The following DOCK3 variants were observed in gnomAD, a reference collection of about 807,000 sequenced individuals.
The protein encoded by DOCK3 is dedicator of cytokinesis 3, also known as dedicator of cytokinesis protein 3.
A neutral mutation model predicts 265.6 loss-of-function variants in DOCK3; 60 were observed. The ratio of observed to expected loss-of-function variants is 0.23; its 90% CI spans 0.18 to 0.28. The LOEUF (loss-of-function observed/expected upper bound fraction) is 0.28, where lower values mean the gene tolerates loss of function less well. Among genes scored for constraint, DOCK3 ranks in the 10% least tolerant of loss-of-function variants. The pLI is 1.00. For missense variants in DOCK3, 1,981 were observed against 2,594.3 expected (o/e 0.76, Z 5.14); for synonymous variants, 881 against 938.0 (o/e 0.94, Z 1.11).
chr3:50,974,995 C>T (rs1489505972), intron 5 of DOCK3, among the ~76,000 whole-genome samples: 2 of 149,642 alleles, frequency 1.3e-5, no homozygotes, highest in African/African-American at 4.9e-5. Context: ...GATTTTGTAT[C>T]CTGAGACTTT....
intron 5 of DOCK3, among the ~76,000 whole-genome samples, chr3:50,980,986 A>G (rs2077669483): frequency 6.6e-6 from 1 of 151,898 alleles, no homozygotes; most frequent in East Asian, 1.9e-4. Flanking sequence ...ATTTGTTTCC[A>G]TCCACTAATT....
chr3:50,736,337 T>A lies in DOCK3; in HGVS notation c.38-42338T>A, dbSNP rs571460809. Among the ~76,000 whole-genome samples, 14 of 152,346 alleles carry A rather than the reference T, an allele frequency of 9.2e-5. No homozygotes were observed. The South Asian group carries it at 1.7e-3, about 18-fold the overall frequency. On this transcript the variant is annotated intron_variant, in intron 1 of 52. Coordinates refer to ENST00000266037, the MANE Select transcript of DOCK3 (RefSeq NM_004947.5). ...TGGGTTGGTTCCAAGTCTTTGCTGTTGTGAATAGTGCCACAATAAACATAT... is the reference window on the plus strand; with the variant it reads ...TGGGTTGGTTCCAAGTCTTTGCTGTAGTGAATAGTGCCACAATAAACATAT...
At chr3:51,064,900 C>T (rs182139673) in intron 6 of DOCK3, among the ~76,000 whole-genome samples, 1 of 152,094 alleles carries the variant, frequency 6.6e-6, no homozygotes, top group African/African-American at 2.4e-5. Context: ...GATTCTACAC[C>T]TCCTAATCAG....
intron 5 of DOCK3, among the ~76,000 whole-genome samples, chr3:51,010,828 C>G (rs1041222790): frequency 6.6e-6 from 1 of 152,172 alleles, no homozygotes; most frequent in Non-Finnish European, 1.5e-5. Context: ...GTGACAAAAT[C>G]TCTCAGCATT....
chr3:51,344,448 C>T (rs1046440410), intron 38 of DOCK3, among the ~76,000 whole-genome samples: 3 of 152,140 alleles, frequency 2.0e-5, no homozygotes, highest in Admixed American at 1.3e-4. Flanking sequence ...GGTGAAACCT[C>T]GTCTCTACTG....
At chr3:50,717,490 TAC>T (rs1366889849) in intron 1 of DOCK3, among the ~76,000 whole-genome samples, 2 of 152,240 alleles carry the variant, frequency 1.3e-5, no homozygotes, top group Non-Finnish European at 2.9e-5. Context: ...TGTGTATATA[TAC>T]CTTACTCTTA....
intron 32 of DOCK3, among the ~76,000 whole-genome samples, chr3:51,316,849 T>C (rs2083395389): frequency 1.3e-5 from 2 of 152,222 alleles, no homozygotes; most frequent in South Asian, 2.1e-4. Context: ...ATATATTCTG[T>C]ATGTAAGTCC....
intron 32 of DOCK3, among the ~76,000 whole-genome samples, chr3:51,324,474 A>G (rs1192057857): frequency 1.3e-5 from 2 of 152,258 alleles, no homozygotes; most frequent in African/African-American, 4.8e-5. Context: ...AAGAATGAAT[A>G]TCATGGCCAT....
At chr3:51,092,362 T>A (rs772340431) in intron 9 of DOCK3, among the ~76,000 whole-genome samples, 4 of 151,968 alleles carry the variant, frequency 2.6e-5, no homozygotes, top group Non-Finnish European at 4.4e-5. Context: ...GAGGCTTGAG[T>A]AGGTGGTTTT....
chr3:50,834,162 A>G (rs551156391), intron 2 of DOCK3, among the ~76,000 whole-genome samples: 2 of 152,040 alleles, frequency 1.3e-5, no homozygotes, highest in Admixed American at 1.3e-4. Flanking sequence ...ACAGTCTCCA[A>G]ACTTACCAGA....
chr3:51,211,194 G>A (rs1189542302), intron 13 of DOCK3, among the ~76,000 whole-genome samples: 1 of 152,018 alleles, frequency 6.6e-6, no homozygotes, highest in Non-Finnish European at 1.5e-5. Context: ...GAGTCAAGTT[G>A]GTACCCTGCA....
chr3:50,937,679 A>G (rs1476817774), intron 5 of DOCK3, among the ~76,000 whole-genome samples: 1 of 152,198 alleles, frequency 6.6e-6, no homozygotes, highest in Non-Finnish European at 1.5e-5. Flanking sequence ...AGCAGCAATG[A>G]AAAATTAATA....
chr3:50,884,132 T>C (rs1214858356), intron 3 of DOCK3, among the ~76,000 whole-genome samples: 4 of 151,880 alleles, frequency 2.6e-5, no homozygotes, highest in African/African-American at 7.3e-5. Context: ...TCTCGCTCTT[T>C]CAGGCTGGAG....
At chr3:50,937,684 T>C (rs1242652456) in intron 5 of DOCK3, among the ~76,000 whole-genome samples, 1 of 151,984 alleles carries the variant, frequency 6.6e-6, no homozygotes, top group Non-Finnish European at 1.5e-5. Flanking sequence ...CAATGAAAAA[T>C]TAATACTGGT....
intron 1 of DOCK3, among the ~76,000 whole-genome samples, chr3:50,741,230 A>G (rs1019602785): frequency 5.9e-5 from 9 of 151,560 alleles, no homozygotes; most frequent in Admixed American, 1.3e-4. Context: ...TGAATAATCT[A>G]TGAACATTGA....
chr3:51,113,581 A>G (rs1051048240), intron 9 of DOCK3, among the ~76,000 whole-genome samples: 4 of 152,190 alleles, frequency 2.6e-5, no homozygotes, highest in African/African-American at 9.6e-5. Context: ...TATAAATCAG[A>G]CAGACTTCCA....
At chr3:51,259,783 A>G (rs990042627) in intron 22 of DOCK3, among the ~76,000 whole-genome samples, 6 of 152,282 alleles carry the variant, frequency 3.9e-5, no homozygotes, top group African/African-American at 1.4e-4. Flanking sequence ...TCTTTCTTAC[A>G]TCCTTGCCTT....
chr3:50,855,028 T>C (rs1475035914), intron 3 of DOCK3, among the ~76,000 whole-genome samples: 5 of 152,190 alleles, frequency 3.3e-5, no homozygotes, highest in Non-Finnish European at 5.9e-5. Flanking sequence ...TTCACTACTA[T>C]AGCTTTGTAG....
rs1325528023 is a variant in DOCK3, at chr3:50,766,287, A to C, written c.38-12388A>C. Among the ~76,000 whole-genome samples the C allele has an allele frequency of 6.1e-5, 5 of 82,250 alleles. 1 individual carries two copies. In the South Asian group the frequency reaches 1.8e-3, roughly 30 times the overall value. 54.0% of individuals were successfully genotyped at this position (82,250 alleles called of 152,430 possible). ...TCCCTCCCCCCTCCCCCCACCCCAC[A>C]ACAGGCCCCGGTGTGTGATGTTCCC... On this transcript the variant is annotated intron_variant, in intron 1 of 52. Coordinates refer to ENST00000266037, the MANE Select transcript of DOCK3 (RefSeq NM_004947.5).
Sources: allele counts gnomAD v4.1 joint callset (sites outside exome capture counted in the v4.1 genomes callset), GRCh38; gene constraint gnomAD v4.1.1; transcripts MANE v1.5; gene names NCBI Gene and HGNC (gene_info 2026-07-23, HGNC 2026-07-21).